C3AR1: variants seen among roughly 807,000 people sequenced by gnomAD.
C3AR1 encodes C3a anaphylatoxin chemotactic receptor.
For synonymous variants in C3AR1, 208 were observed against 225.3 expected (o/e 0.92, Z 0.69); for missense variants, 579 against 583.5 (o/e 0.99, Z 0.08).
intron 1 of C3AR1, among the ~76,000 whole-genome samples, chr12:8,063,551 A>G (rs914356208): frequency 2.0e-5 from 3 of 152,152 alleles, no homozygotes; most frequent in African/African-American, 7.2e-5. Context: ...ATCTGGAATT[A>G]TGCCCTTCAC....
intron 1 of C3AR1, among the ~76,000 whole-genome samples, chr12:8,064,313 A>G (rs576468403): frequency 2.0e-4 from 30 of 152,222 alleles, no homozygotes; most frequent in Non-Finnish European, 3.8e-4. Flanking sequence ...GTGACTTGAA[A>G]GTAGTTCTGC....
Position 8,057,460 on chromosome 12 carries a change from T to C in C3AR1, c.*1277A>G, listed in dbSNP as rs1947202635. ...TCCAGAAAAGAGCAGCATAAGCACA[T>C]GATTTAGAAACATCATGATAATTAT... On this transcript the variant is annotated 3_prime_UTR_variant, in exon 2 of 2. Coordinates refer to ENST00000307637, the MANE Select transcript of C3AR1 (RefSeq NM_004054.4). Among the ~76,000 whole-genome samples the C allele has an allele frequency of 6.6e-6, 1 of 152,188 alleles. No homozygotes were observed. Among genetic ancestry groups the C allele is most frequent in the African/African-American group, 2.4e-5 (1 of 41,456 alleles).
At chr12:8,063,252 G>T (rs1164750360) in intron 1 of C3AR1, among the ~76,000 whole-genome samples, 1 of 152,070 alleles carries the variant, frequency 6.6e-6, no homozygotes, top group Non-Finnish European at 1.5e-5. Context: ...CACCAGGCCC[G>T]GCCGGCCACC....
In C3AR1 at chr12:8,057,430, A is replaced by G. The variant is rs1260182039; in HGVS notation, c.*1307T>C. On this transcript the variant is annotated 3_prime_UTR_variant, in exon 2 of 2. Coordinates refer to ENST00000307637, the MANE Select transcript of C3AR1 (RefSeq NM_004054.4). ...TTTCAAAACAAGAAGTCGTTTTATC[A>G]TGCCTCCAGAAAAGAGCAGCATAAG... Among the ~76,000 whole-genome samples, 1 of 152,218 alleles carries G rather than the reference A, an allele frequency of 6.6e-6. No individual in the cohort carries two copies. Among genetic ancestry groups the G allele is most frequent in the Admixed American group, 6.5e-5 (1 of 15,286 alleles).
rs754599327 is a variant in C3AR1, at chr12:8,060,060, C to T, written c.126G>A (p.Gly42=). 19 of 1,614,126 alleles carry T rather than the reference C, an allele frequency of 1.2e-5. No homozygotes were observed. In the Admixed American group the frequency reaches 2.3e-4, roughly 20 times the overall value. ...LTFLLGLPGN[G]LVLWVAGLKM... is the part of the protein sequence containing the mutation. ...TCAGGCCAGCCACCCACAGCACCAG[C>T]CCATTGCCTGGCAATCCCAGTAAAA... Residue 42 remains glycine (G), a synonymous_variant, in exon 2 of 2, where the codon GGG becomes GGA. Transcript: ENST00000307637.
chr12:8,058,838 T>A lies in C3AR1; in HGVS notation c.1348A>T (p.Ile450Phe). 1 of 1,614,182 alleles carries A rather than the reference T, an allele frequency of 6.2e-7. No individual in the cohort carries two copies. Among genetic ancestry groups the A allele is most frequent in the South Asian group, 1.1e-5 (1 of 91,088 alleles). ...AAGGCTGCCTCCAGAATTCCCTGAA[T>A]GGACTGCCTTGCTTTCTTCCTAAAA... Reference protein sequence around the residue: ...KDFRKKARQSIQGILEAAFSE... With the variant: ...KDFRKKARQSFQGILEAAFSE... The change falls in exon 2 of 2, where the codon ATT (isoleucine) becomes TTT (phenylalanine). Residue 450 changes from isoleucine (I) to phenylalanine (F), a missense_variant. By Grantham distance (21) the Ile-to-Phe change is conservative. Coordinates refer to ENST00000307637, the MANE Select transcript of C3AR1 (RefSeq NM_004054.4).
intron 1 of C3AR1, among the ~76,000 whole-genome samples, chr12:8,060,551 C>T (rs1010681764): frequency 2.6e-5 from 4 of 152,136 alleles, no homozygotes; most frequent in Admixed American, 6.5e-5. Context: ...TGCACCACCA[C>T]GCCTGGCTAA....
At chr12:8,063,589 T>G (rs1294631932) in intron 1 of C3AR1, among the ~76,000 whole-genome samples, 4 of 152,250 alleles carry the variant, frequency 2.6e-5, no homozygotes, top group Non-Finnish European at 5.9e-5. Flanking sequence ...AATTTGTGTG[T>G]GTGCGCATGT....
At position 8,059,300 on chromosome 12, in the gene C3AR1, G is replaced by A; in HGVS notation, c.886C>T (p.Leu296=). The change falls in exon 2 of 2, where the codon CTG becomes TTG. Residue 296 remains leucine, a synonymous_variant. Coordinates refer to ENST00000307637, the MANE Select transcript of C3AR1 (RefSeq NM_004054.4). ...GAATTGCTAGAAGCGCTAGGGAACA[G>A]CTTTAAATGAGTAGAGAGAAAAGCA... ...SDAFLSTHLK[L]FPSASSNSFY... The A allele has an allele frequency of 6.2e-7, 1 of 1,614,180 alleles. No homozygotes were observed. Among genetic ancestry groups the A allele is most frequent in the African/African-American group, 1.3e-5 (1 of 75,030 alleles).
At chr12:8,062,100 G>C (rs1423000390) in intron 1 of C3AR1, among the ~76,000 whole-genome samples, 1 of 152,146 alleles carries the variant, frequency 6.6e-6, no homozygotes, top group Non-Finnish European at 1.5e-5. Flanking sequence ...GCATGGGTCA[G>C]AATTTTCTTT....
intron 1 of C3AR1, among the ~76,000 whole-genome samples, chr12:8,063,813 T>C (rs973524929): frequency 1.3e-5 from 2 of 152,150 alleles, no homozygotes; most frequent in African/African-American, 4.8e-5. Context: ...GGCTCATGCC[T>C]GTAATCGCAG....
At chr12:8,060,279 A>G in intron 1 of C3AR1, 84 bp from the exon 2 acceptor site, 5 of 1,163,398 alleles carry the variant, frequency 4.3e-6, no homozygotes, top group Non-Finnish European at 6.1e-6. Context: ...ATCTTCCCAC[A>G]TAAAGATGTG....
intron 1 of C3AR1, among the ~76,000 whole-genome samples, chr12:8,062,527 A>G (rs1353983945): frequency 1.3e-5 from 2 of 152,144 alleles, no homozygotes; most frequent in East Asian, 3.9e-4. Flanking sequence ...GTCCACGACA[A>G]TATCTACTTC....
rs990727975 is a variant in C3AR1, at chr12:8,058,672, A to C, written c.*65T>G. On this transcript the variant is annotated 3_prime_UTR_variant, in exon 2 of 2. Transcript: ENST00000307637. ...AGTCCGCTGCTCACCATATCACTTC[A>C]TCCTCTTATAAACTTTCACTATGTG... 3 of 1,517,934 alleles carry C rather than the reference A, an allele frequency of 2.0e-6. No individual in the cohort carries two copies. In the African/African-American group the frequency reaches 4.2e-5, roughly 21 times the overall value. 94.0% of individuals were successfully genotyped at this position (1,517,934 alleles called of 1,614,324 possible). A position where few individuals can be genotyped will look rare whatever the true frequency, so the allele number is the denominator to read the frequency against.
Position 8,059,061 on chromosome 12 carries a change from G to A in C3AR1, c.1125C>T (p.Thr375=), listed in dbSNP as rs752678524. The change falls in exon 2 of 2, where the codon ACC becomes ACT. Residue 375 remains threonine, a synonymous_variant. Coordinates refer to ENST00000307637, the MANE Select transcript of C3AR1 (RefSeq NM_004054.4). ...CCACCACCACCACGGCCACTCGAAA[G>A]GTTTTGCTCTGAGACTTGGCGAAGC... The part of the protein sequence containing the change: ...RGRFAKSQSK[T]FRVAVVVVAV... 3 of 1,614,054 alleles carry A rather than the reference G, an allele frequency of 1.9e-6. No homozygotes were observed. The Admixed American group carries it at 5.0e-5, about 27-fold the overall frequency.
At chr12:8,063,827 T>G (rs1406004490) in intron 1 of C3AR1, among the ~76,000 whole-genome samples, 1 of 152,110 alleles carries the variant, frequency 6.6e-6, no homozygotes, top group Non-Finnish European at 1.5e-5. Flanking sequence ...ATCGCAGCAC[T>G]TTGGGGGGCC....
At position 8,059,420 on chromosome 12, in the gene C3AR1, A is replaced by G. The variant is rs779453939; in HGVS notation, c.766T>C (p.Ser256Pro). The change falls in exon 2 of 2, where the codon TCT (serine) becomes CCT (proline). Residue 256 changes from serine to proline, a missense_variant. By Grantham distance (74) the Ser-to-Pro change is moderately conservative. Coordinates refer to ENST00000307637, the MANE Select transcript of C3AR1 (RefSeq NM_004054.4). ...ACATCAGCAGGTTTAAATACATTAGAATACAGATTTTGACTTGTTAACCTA... is the reference window on the plus strand; with the variant it reads ...ACATCAGCAGGTTTAAATACATTAGGATACAGATTTTGACTTGTTAACCTA... Reference protein sequence around the residue: ...SARLTSQNLYSNVFKPADVVS... With the variant: ...SARLTSQNLYPNVFKPADVVS... The G allele has an allele frequency of 1.2e-6, 2 of 1,614,076 alleles. No homozygotes were observed. The highest frequency in any genetic ancestry group is 1.7e-6 in the Non-Finnish European group (2 of 1,179,978).
intron 1 of C3AR1, among the ~76,000 whole-genome samples, chr12:8,062,867 T>C (rs1015908191): frequency 6.6e-6 from 1 of 151,926 alleles, no homozygotes. Context: ...CAGGATGATG[T>C]TGATCTCCCG....
At position 8,058,786 on chromosome 12, in the gene C3AR1, T is replaced by C. The variant is rs758229801; in HGVS notation, c.1400A>G (p.His467Arg). Reference sequence around the variant, plus strand: ...TGAAATGACATTGTTTGAGGGACAGTGGGTGGAACGTGTGAGCTCCTCACT... The same window carrying C: ...TGAAATGACATTGTTTGAGGGACAGCGGGTGGAACGTGTGAGCTCCTCACT... The part of the protein sequence containing the change: ...AFSEELTRST[H>R]CPSNNVISER... Residue 467 changes from histidine (H) to arginine (R), a missense_variant, in exon 2 of 2, where the codon CAC (histidine) becomes CGC (arginine). Transcript: ENST00000307637. 19 of 1,613,880 alleles carry C rather than the reference T, an allele frequency of 1.2e-5. No homozygotes were observed. Among genetic ancestry groups the C allele is most frequent in the Non-Finnish European group, 1.6e-5 (19 of 1,179,930 alleles).
Sources: allele counts gnomAD v4.1 joint callset (sites outside exome capture counted in the v4.1 genomes callset), GRCh38; gene constraint gnomAD v4.1.1; transcripts MANE v1.5; gene names NCBI Gene and HGNC (gene_info 2026-07-23, HGNC 2026-07-21).